ONECUT2: variants seen among roughly 807,000 people sequenced by gnomAD.
ONECUT2 encodes one cut homeobox 2.
A neutral mutation model predicts 27.9 loss-of-function variants in ONECUT2; 10 were observed. That is an observed-to-expected ratio of 0.36 (90% confidence interval 0.22 to 0.61). ONECUT2 has a LOEUF of 0.61. Ranked by LOEUF, ONECUT2 falls within the 20% of genes least tolerant of loss-of-function variation. The pLI, the probability that ONECUT2 is intolerant of heterozygous loss-of-function variation, is 0.73. For synonymous variants in ONECUT2, 334 were observed against 315.1 expected (o/e 1.06, Z -0.64); for missense variants, 686 against 721.0 (o/e 0.95, Z 0.56).
intron 1 of ONECUT2, among the ~76,000 whole-genome samples, chr18:57,458,743 C>T (rs576535057): frequency 5.3e-5 from 8 of 151,994 alleles, no homozygotes; most frequent in Admixed American, 3.3e-4. Context: ...GGGTGGACAC[C>T]GAGAAGCAAA....
chr18:57,436,682 G>T lies in ONECUT2; in HGVS notation c.966G>T (p.Ser322=), dbSNP rs183029490. 3.8e-5 allele frequency: 61 copies of T among 1,613,094 alleles called. No homozygotes were observed. The highest frequency in any genetic ancestry group is 4.7e-5 in the Non-Finnish European group (56 of 1,179,988). ...RERPPSSSSG[S]QVATSGQLEE... is the part of the protein sequence containing the mutation. ...GGCCACCCTCGTCCTCATCGGGCTC[G>T]CAGGTGGCCACGTCGGGCCAGCTGG... The change falls in exon 1 of 2, where the codon TCG becomes TCT. Residue 322 remains serine (S), a synonymous_variant. Transcript: ENST00000491143. The surrounding 1 kb of genome is among the most constrained non-coding windows in gnomAD (Gnocchi z 5.9).
rs879610638 is a variant in ONECUT2, at chr18:57,481,676, G to A, written c.*4953G>A. The A allele has an allele frequency of 1.3e-5, 2 of 152,146 alleles. No homozygotes were observed. The highest frequency in any genetic ancestry group is 1.3e-4 in the Admixed American group (2 of 15,270). 9.4% of individuals were successfully genotyped at this position (152,146 alleles called of 1,614,324 possible). ...TTATCATTACCAAAGTGTCATGACA[G>A]TATGCCTTTGTAGTGAACTCGGATT... On this transcript the variant is annotated 3_prime_UTR_variant, in exon 2 of 2. Transcript: ENST00000491143.
At chr18:57,471,183 G>A (rs908793137) in intron 1 of ONECUT2, among the ~76,000 whole-genome samples, 2 of 152,154 alleles carry the variant, frequency 1.3e-5, no homozygotes, top group East Asian at 1.9e-4. Flanking sequence ...CTTGATGAGC[G>A]TTGCTGCACG....
intron 1 of ONECUT2, among the ~76,000 whole-genome samples, chr18:57,464,083 C>T (rs2050307258): frequency 6.6e-6 from 1 of 151,912 alleles, no homozygotes; most frequent in Admixed American, 6.6e-5. Flanking sequence ...TATGGAGTCA[C>T]ACTACCTGAA....
chr18:57,461,845 G>A (rs2050293762), intron 1 of ONECUT2, among the ~76,000 whole-genome samples: 5 of 152,282 alleles, frequency 3.3e-5, no homozygotes, highest in Admixed American at 3.3e-4. Context: ...AAGAGCTGAA[G>A]GTACTGGCAG....
At chr18:57,457,803 T>C (rs915175101) in intron 1 of ONECUT2, among the ~76,000 whole-genome samples, 6 of 152,180 alleles carry the variant, frequency 3.9e-5, no homozygotes, top group Non-Finnish European at 8.8e-5. Context: ...TAAAAAAGGA[T>C]GAGTTCATGT....
rs772010629 is a variant in ONECUT2, at chr18:57,436,895, G to A, written c.1179G>A (p.Lys393=). 6.2e-7 allele frequency: 1 copy of A among 1,612,996 alleles called. No individual in the cohort carries two copies. The highest frequency in any genetic ancestry group is 8.5e-7 in the Non-Finnish European group (1 of 1,179,766). Reference sequence around the variant, plus strand: ...GGGAGACCTTCCGCAGGATGTGGAAGTGGCTTCAGGAGCCCGAGTTCCAGC... The same window carrying A: ...GGGAGACCTTCCGCAGGATGTGGAAATGGCTTCAGGAGCCCGAGTTCCAGC... The part of the protein sequence containing the change: ...SGRETFRRMW[K]WLQEPEFQRM... Residue 393 remains lysine (K), a synonymous_variant, in exon 1 of 2, where the codon AAG becomes AAA. Transcript: ENST00000491143. The surrounding 1 kb of genome is among the most constrained non-coding windows in gnomAD (Gnocchi z 5.9).
intron 1 of ONECUT2, among the ~76,000 whole-genome samples, chr18:57,453,360 G>A (rs1418802547): frequency 6.6e-6 from 1 of 152,164 alleles, no homozygotes; most frequent in African/African-American, 2.4e-5. Flanking sequence ...TAAGCCTTTG[G>A]AAGCAATTTT....
At chr18:57,450,513 T>C (rs961806439) in intron 1 of ONECUT2, among the ~76,000 whole-genome samples, 13 of 152,370 alleles carry the variant, frequency 8.5e-5, no homozygotes, top group Middle Eastern at 3.4e-3. Context: ...CTTTGGTCAT[T>C]GTTGGAAATA....
At position 57,477,107 on chromosome 18, in the gene ONECUT2, C is replaced by T. The variant is rs929088026; in HGVS notation, c.*384C>T. 1.3e-5 allele frequency: 3 copies of T among 231,246 alleles called. No homozygotes were observed. The highest frequency in any genetic ancestry group is 6.9e-5 in the African/African-American group (3 of 43,526). The allele number at this position is 231,246 out of a possible 1,614,324, so 14.3% of individuals were successfully genotyped here. ...TCAGGTCCTGTCAGCTTCTTGCAGT[C>T]AGAGTTCCTATGAGTAACAATAGGA... is the stretch of plus-strand genomic sequence containing the variant. On this transcript the variant is annotated 3_prime_UTR_variant, in exon 2 of 2. Coordinates refer to ENST00000491143, the MANE Select transcript of ONECUT2 (RefSeq NM_004852.3).
At chr18:57,440,793 C>T (rs7231349) in intron 1 of ONECUT2, among the ~76,000 whole-genome samples, 15,651 of 152,204 alleles carry the variant, frequency 0.1, 998 homozygotes, top group South Asian at 0.17. Flanking sequence ...AGTCTCGCGC[C>T]CACCCCCCAA....
At position 57,435,935 on chromosome 18, in the gene ONECUT2, C is replaced by A; in HGVS notation, c.219C>A (p.Gly73=). The change falls in exon 1 of 2, where the codon GGC becomes GGA. Residue 73 remains glycine, a synonymous_variant. Coordinates refer to ENST00000491143, the MANE Select transcript of ONECUT2 (RefSeq NM_004852.3). ...CCAGCCCCCACCACGCGGGCCGCGGCGCCGCTGGCTCGCTGCGGGGCCCTC... is the reference window on the plus strand; with the variant it reads ...CCAGCCCCCACCACGCGGGCCGCGGAGCCGCTGGCTCGCTGCGGGGCCCTC... ...ASPSPHHAGR[G]AAGSLRGPPP... is the part of the protein sequence containing the mutation. 1 of 1,196,612 alleles carries A rather than the reference C, an allele frequency of 8.4e-7. No individual in the cohort carries two copies. Among genetic ancestry groups the A allele is most frequent in the Non-Finnish European group, 1.0e-6 (1 of 967,272 alleles). The allele number at this position is 1,196,612 out of a possible 1,614,324, so 74.1% of individuals were successfully genotyped here.
At chr18:57,444,307 T>C in intron 1 of ONECUT2, 1 of 454,812 alleles carries the variant, frequency 2.2e-6, no homozygotes, top group Non-Finnish European at 4.4e-6. Context: ...TTCTAGAATG[T>C]GGGCTTTATT....
At chr18:57,458,592 T>C (rs2050272933) in intron 1 of ONECUT2, among the ~76,000 whole-genome samples, 1 of 152,234 alleles carries the variant, frequency 6.6e-6, no homozygotes, top group Non-Finnish European at 1.5e-5. Context: ...ATGGCATGAC[T>C]ATTTTCATTT....
intron 1 of ONECUT2, among the ~76,000 whole-genome samples, chr18:57,471,106 G>T (rs1381320345): frequency 1.3e-5 from 2 of 152,210 alleles, no homozygotes; most frequent in Non-Finnish European, 2.9e-5. Context: ...ATGTTCTCCA[G>T]TCTCACACAA....
intron 1 of ONECUT2, among the ~76,000 whole-genome samples, chr18:57,466,797 GC>G (rs2050323685): frequency 6.6e-6 from 1 of 152,216 alleles, no homozygotes; most frequent in Non-Finnish European, 1.5e-5. Flanking sequence ...CTAAAATCCT[GC>G]CTTTCTAGGA....
chr18:57,448,826 A>G (rs73441027), intron 1 of ONECUT2, among the ~76,000 whole-genome samples: 4,647 of 152,300 alleles, frequency 0.031, 244 homozygotes, highest in African/African-American at 0.1. Context: ...GACCTTTTCT[A>G]TTATCTGTTT....
rs1203758088 is a variant in ONECUT2 at position 57,435,705 on chromosome 18, C to A, written c.-12C>A. 1 of 1,171,904 alleles carries A rather than the reference C, an allele frequency of 8.5e-7. No individual in the cohort carries two copies. The highest frequency in any genetic ancestry group is 1.1e-6 in the Non-Finnish European group (1 of 923,310). 72.6% of individuals were successfully genotyped at this position (1,171,904 alleles called of 1,614,324 possible). A position where few individuals can be genotyped will look rare whatever the true frequency, so the allele number is the denominator to read the frequency against. On this transcript the variant is annotated 5_prime_UTR_variant, in exon 1 of 2. The change creates a new upstream start codon in the 5' untranslated region. Coordinates refer to ENST00000491143, the MANE Select transcript of ONECUT2 (RefSeq NM_004852.3). ...CCGCCGCCCCCGCCGCCCCCGGGCC[C>A]TGATGGACTGAATGAAGGCTGCCTA...
chr18:57,472,716 A>ATT (rs1463891724), intron 1 of ONECUT2, among the ~76,000 whole-genome samples: 15 of 152,142 alleles, frequency 9.9e-5, no homozygotes, highest in Admixed American at 9.8e-4. Flanking sequence ...ATATATATAT[A>ATT]ATTTTAAATA....
Sources: allele counts gnomAD v4.1 joint callset (sites outside exome capture counted in the v4.1 genomes callset), GRCh38; gene constraint gnomAD v4.1.1; non-coding constraint Gnocchi (gnomAD v3.1); transcripts MANE v1.5; gene names NCBI Gene and HGNC (gene_info 2026-07-23, HGNC 2026-07-21).